Variants in HSDL2 observed in about 807,000 individuals in gnomAD.
HSDL2 encodes hydroxysteroid dehydrogenase-like protein 2.
A neutral mutation model predicts 46.3 loss-of-function variants in HSDL2; 27 were observed. The observed-to-expected ratio is 0.58, with a 90% confidence interval of 0.43 to 0.80. The LOEUF is 0.80. Among genes scored for constraint, HSDL2 ranks in the 30% least tolerant of loss-of-function variants. The pLI, the probability that HSDL2 is intolerant of heterozygous loss-of-function variation, is 0.00. For missense variants in HSDL2, 451 were observed against 502.7 expected, an observed-to-expected ratio of 0.90 and a Z score of 0.98; for synonymous variants, 153 against 163.6, an observed-to-expected ratio of 0.94 and a Z score of 0.50.
Position 112,454,793 on chromosome 9 carries a change from C to A in HSDL2, c.1015+631C>A, listed in dbSNP as rs138100375. 4.1e-3 allele frequency among the ~76,000 whole-genome samples: 629 copies of A among 151,960 alleles called. 4 individuals are homozygous for A. The highest frequency in any genetic ancestry group is 0.014 in the African/African-American group (593 of 41,462). ...GGATCTGGGCTCACTGCAACCTCTG[C>A]CTCCTGGGTTCAAGTGATTCTCCTG... On this transcript the variant is annotated intron_variant, in intron 9 of 10. Coordinates refer to ENST00000398805, the MANE Select transcript of HSDL2 (RefSeq NM_032303.5).
intron 1 of HSDL2, among the ~76,000 whole-genome samples, chr9:112,380,775 T>A (rs903227405): frequency 6.6e-6 from 1 of 152,108 alleles, no homozygotes; most frequent in African/African-American, 2.4e-5. Flanking sequence ...CGTTGTGCAG[T>A]CAATCTCCAG....
chr9:112,380,267 C>A, intron 1 of HSDL2, 87 bp downstream of exon 1: 1 of 1,376,576 alleles, frequency 7.3e-7, no homozygotes, highest in South Asian at 1.3e-5. Flanking sequence ...CCGGGCTGGC[C>A]GGCCCGGCTG....
At chr9:112,436,017 G>A (rs1244288042) in intron 6 of HSDL2, among the ~76,000 whole-genome samples, 1 of 151,816 alleles carries the variant, frequency 6.6e-6, no homozygotes, top group African/African-American at 2.4e-5. Flanking sequence ...GCTCACACCT[G>A]TAATCCCAGC....
intron 4 of HSDL2, among the ~76,000 whole-genome samples, chr9:112,413,830 C>T (rs1831931520): frequency 6.6e-6 from 1 of 151,988 alleles, no homozygotes; most frequent in Non-Finnish European, 1.5e-5. Context: ...GCAGTTTTGC[C>T]ACAAGAGTAC....
intron 3 of HSDL2, among the ~76,000 whole-genome samples, chr9:112,407,567 C>T (rs540722104): frequency 6.6e-6 from 1 of 152,244 alleles, no homozygotes; most frequent in Non-Finnish European, 1.5e-5. Flanking sequence ...TAGGTGCCCA[C>T]CACCAGGCCT....
At chr9:112,438,674 TC>T (rs916207796) in intron 7 of HSDL2, 49 bp downstream of exon 7, 2 of 1,117,728 alleles carry the variant, frequency 1.8e-6, no homozygotes, top group African/African-American at 3.1e-5. Context: ...TTCCATATTT[TC>T]TGCAATGAAC....
At chr9:112,395,818 G>A (rs1831442786) in intron 1 of HSDL2, among the ~76,000 whole-genome samples, 1 of 152,208 alleles carries the variant, frequency 6.6e-6, no homozygotes, top group African/African-American at 2.4e-5. Flanking sequence ...GGGGGAAAGA[G>A]GAGGTTCCAC....
chr9:112,426,886 A>G (rs1231797801), intron 6 of HSDL2, among the ~76,000 whole-genome samples: 2 of 152,156 alleles, frequency 1.3e-5, no homozygotes, highest in African/African-American at 4.8e-5. Context: ...AGTCAAACAT[A>G]TGTACAAACA....
At chr9:112,451,940 C>A (rs114332184) in intron 8 of HSDL2, among the ~76,000 whole-genome samples, 1 of 152,264 alleles carries the variant, frequency 6.6e-6, no homozygotes, top group African/African-American at 2.4e-5. Context: ...GATGTTTGAT[C>A]TGGATACATC....
chr9:112,382,245 AGAGAGT>A (rs1831115453), intron 1 of HSDL2, among the ~76,000 whole-genome samples: 1 of 152,206 alleles, frequency 6.6e-6, no homozygotes, highest in Admixed American at 6.5e-5. Context: ...ACCCTGCGAG[AGAGAGT>A]GAGAGTCTGT....
chr9:112,461,271 G>A (rs1336768426), intron 10 of HSDL2, among the ~76,000 whole-genome samples: 2 of 152,104 alleles, frequency 1.3e-5, no homozygotes, highest in Non-Finnish European at 2.9e-5. Context: ...TAAAGACAGG[G>A]TTTCACCATA....
At chr9:112,436,960 C>CTTTTTTTTTTTTTTTTTTTTT (rs780957603) in intron 6 of HSDL2, among the ~76,000 whole-genome samples, 17 of 126,780 alleles carry the variant, frequency 1.3e-4, no homozygotes, top group Non-Finnish European at 2.1e-4. Context: ...TTCTTTTTTT[C>CTTTTTTTTTTTTTTTTTTTTT]TTTTTTTTTT....
At chr9:112,421,336 AAAAC>A (rs1211171521) in intron 6 of HSDL2, among the ~76,000 whole-genome samples, 5 of 152,278 alleles carry the variant, frequency 3.3e-5, no homozygotes, top group African/African-American at 7.2e-5. Flanking sequence ...CTGTCTCAAA[AAAAC>A]AAACAAACAA....
intron 3 of HSDL2, among the ~76,000 whole-genome samples, chr9:112,408,521 A>AAT (rs1831785386): frequency 6.6e-6 from 1 of 152,212 alleles, no homozygotes; most frequent in African/African-American, 2.4e-5. Flanking sequence ...AGGCATTATT[A>AAT]GGTGATTTTA....
rs1375213111 is a variant in HSDL2 at position 112,470,579 on chromosome 9, C to T, written c.*35C>T. 9 of 1,190,980 alleles carry T rather than the reference C, an allele frequency of 7.6e-6. No homozygotes were observed. Among genetic ancestry groups the T allele is most frequent in the Non-Finnish European group, 1.1e-5 (9 of 827,322 alleles). 73.8% of individuals were successfully genotyped at this position (1,190,980 alleles called of 1,614,324 possible). A position where few individuals can be genotyped will look rare whatever the true frequency, so the allele number is the denominator to read the frequency against. On this transcript the variant is annotated 3_prime_UTR_variant, in exon 11 of 11. Coordinates refer to ENST00000398805, the MANE Select transcript of HSDL2 (RefSeq NM_032303.5). The stretch of plus-strand genomic sequence containing the variant: ...TAAAAAAAAAGTCGACTGCTATGCT[C>T]AAAAAGTAAAAAAAGCTCAACAGTT...
Position 112,454,055 on chromosome 9 carries a change from C to T in HSDL2, c.908C>T (p.Pro303Leu), listed in dbSNP as rs1433695846. The change falls in exon 9 of 11, where the codon CCA (proline) becomes CTA (leucine). Residue 303 changes from proline to leucine, a missense_variant. Coordinates refer to ENST00000398805, the MANE Select transcript of HSDL2 (RefSeq NM_032303.5). ...AAAGAAGAGAAACTGCAGCTGCAAC[C>T]AAAACCACGTTCTGGAGCTGTGGAA... ...EFKEEKLQLQ[P>L]KPRSGAVEET... 6.2e-7 allele frequency: 1 copy of T among 1,613,984 alleles called. No homozygotes were observed. Among genetic ancestry groups the T allele is most frequent in the Non-Finnish European group, 8.5e-7 (1 of 1,179,944 alleles).
In HSDL2 at chr9:112,472,301, A is replaced by C. The variant is rs965738411; in HGVS notation, c.*1757A>C. ...TCCTTGTTCCTGCTAGTGCTGCTTT[A>C]CAAATGCAGACCATTCTATCATACC... On this transcript the variant is annotated 3_prime_UTR_variant, in exon 11 of 11. Coordinates refer to ENST00000398805, the MANE Select transcript of HSDL2 (RefSeq NM_032303.5). The C allele has an allele frequency of 6.6e-6, 1 of 152,268 alleles. No homozygotes were observed. Among genetic ancestry groups the C allele is most frequent in the Non-Finnish European group, 1.5e-5 (1 of 68,062 alleles). The allele number at this position is 152,268 out of a possible 1,614,324, so 9.4% of individuals were successfully genotyped here.
In HSDL2 at chr9:112,404,144, C is replaced by T. The variant is rs1347392868; in HGVS notation, c.167C>T (p.Thr56Ile). 1 of 1,613,916 alleles carries T rather than the reference C, an allele frequency of 6.2e-7. No individual in the cohort carries two copies. The highest frequency in any genetic ancestry group is 1.1e-5 in the South Asian group (1 of 91,040). Residue 56 changes from threonine (T) to isoleucine (I), a missense_variant, in exon 2 of 11, where the codon ACT becomes ATT. Physicochemically the swap from Thr to Ile is moderately conservative, Grantham distance 89. Coordinates refer to ENST00000398805, the MANE Select transcript of HSDL2 (RefSeq NM_032303.5). ...CCAAAACTTCTAGGCACAATCTATA[C>T]TGCTGCTGAAGAAAGTGAGTGTGAC... ...PHPKLLGTIY[T>I]AAEEIEAVGG...
At position 112,464,479 on chromosome 9, in the gene HSDL2, T is replaced by C. The variant is rs184426458; in HGVS notation, c.1144+4902T>C. Among the ~76,000 whole-genome samples, 7 of 152,366 alleles carry C rather than the reference T, an allele frequency of 4.6e-5. No homozygotes were observed. In the East Asian group the frequency reaches 1.3e-3, roughly 29 times the overall value. On this transcript the variant is annotated intron_variant, in intron 10 of 10. Transcript: ENST00000398805. The stretch of plus-strand genomic sequence containing the variant: ...ATTCATGCTTTTCCCACTAAATATT[T>C]TCTTTTTTACCGTTGTGAAATGAAA...
Sources: allele counts gnomAD v4.1 joint callset (sites outside exome capture counted in the v4.1 genomes callset), GRCh38; gene constraint gnomAD v4.1.1; transcripts MANE v1.5; gene names NCBI Gene and HGNC (gene_info 2026-07-23, HGNC 2026-07-21).